The following SEC22A variants were observed in gnomAD, a reference collection of about 807,000 sequenced individuals.
SEC22A encodes the protein vesicle-trafficking protein SEC22a.
SEC22A carries 22 observed loss-of-function variants against 35.3 expected under a neutral mutation model. The observed-to-expected ratio is 0.62, with a 90% CI of 0.45 to 0.89. SEC22A has a LOEUF of 0.89. Ranked by LOEUF, SEC22A falls within the 40% of genes least tolerant of loss-of-function variation. The probability of loss-of-function intolerance (pLI) is 0.00; values close to 1 mark genes in which losing one functional copy is unlikely to be tolerated. For missense variants in SEC22A, 354 were observed against 362.5 expected (o/e 0.98, Z 0.19); for synonymous variants, 119 against 129.5 (o/e 0.92, Z 0.55).
intron 2 of SEC22A, among the ~76,000 whole-genome samples, chr3:123,219,646 C>T (rs746002447): frequency 5.9e-5 from 9 of 152,158 alleles, no homozygotes; most frequent in East Asian, 1.9e-4. Context: ...TCATACTAAG[C>T]GGTCAGTAAA....
chr3:123,229,804 G>A (rs112198238), intron 4 of SEC22A, among the ~76,000 whole-genome samples: 3,500 of 151,996 alleles, frequency 0.023, 116 homozygotes, highest in African/African-American at 0.078. Context: ...GGAGATTGCC[G>A]TGAGCCGAGA....
At chr3:123,203,171 T>G (rs1936785059) in intron 1 of SEC22A, among the ~76,000 whole-genome samples, 2 of 148,482 alleles carry the variant, frequency 1.3e-5, no homozygotes, top group Non-Finnish European at 3.0e-5. Flanking sequence ...GCCTGTGACC[T>G]TCCTTGAGTG....
chr3:123,255,058 C>G (rs1246142274), intron 5 of SEC22A, among the ~76,000 whole-genome samples: 1 of 152,144 alleles, frequency 6.6e-6, no homozygotes, highest in Non-Finnish European at 1.5e-5. Flanking sequence ...TTGCCAAATA[C>G]AGCAGAAACT....
intron 5 of SEC22A, among the ~76,000 whole-genome samples, chr3:123,249,839 A>G (rs1367596093): frequency 3.9e-5 from 6 of 151,962 alleles, no homozygotes; most frequent in Admixed American, 3.9e-4. Context: ...TGCTCTTATC[A>G]CTCAAGAAAT....
chr3:123,260,580 C>T (rs573279338), intron 6 of SEC22A, among the ~76,000 whole-genome samples: 2 of 152,278 alleles, frequency 1.3e-5, no homozygotes, highest in South Asian at 2.1e-4. Context: ...TTACCAGTTA[C>T]CCAAATGCAA....
chr3:123,237,014 C>T (rs1937435325), intron 4 of SEC22A, among the ~76,000 whole-genome samples: 2 of 152,168 alleles, frequency 1.3e-5, no homozygotes, highest in African/African-American at 2.4e-5. Flanking sequence ...CTGGTATTAG[C>T]AGCGAAAACT....
At chr3:123,245,860 T>C (rs1559760056) in intron 4 of SEC22A, 39 bp from the exon 5 acceptor site, 8 of 1,105,290 alleles carry the variant, frequency 7.2e-6, no homozygotes, top group Non-Finnish European at 9.7e-6. Context: ...CTTTGTGAGG[T>C]ATTGGTGTTC....
intron 1 of SEC22A, among the ~76,000 whole-genome samples, chr3:123,204,397 C>A (rs1210542929): frequency 6.6e-6 from 1 of 152,154 alleles, no homozygotes; most frequent in Non-Finnish European, 1.5e-5. Context: ...AATATGAGTG[C>A]TTTTGCCCCC....
Position 123,212,993 on chromosome 3 carries a change from C to A in SEC22A, c.182+3594C>A, listed in dbSNP as rs189836802. Reference sequence around the variant, plus strand: ...AAGAGGACAGCATTTGGATAACATTCTTCCAGCAACTATAATTATGAGAGT... The same window carrying A: ...AAGAGGACAGCATTTGGATAACATTATTCCAGCAACTATAATTATGAGAGT... On this transcript the variant is annotated intron_variant, in intron 2 of 6. Transcript: ENST00000492595. 8.5e-5 allele frequency among the ~76,000 whole-genome samples: 13 copies of A among 152,284 alleles called. No individual in the cohort carries two copies. In the East Asian group the frequency reaches 2.5e-3, roughly 29 times the overall value.
intron 6 of SEC22A, among the ~76,000 whole-genome samples, chr3:123,260,882 C>T (rs889307534): frequency 1.4e-5 from 2 of 146,330 alleles, no homozygotes; most frequent in African/African-American, 5.1e-5. Context: ...GTCGCCCAGG[C>T]TGGAGTGCAG....
Position 123,271,557 on chromosome 3 carries a change from T to C in SEC22A, c.759T>C (p.Asn253=), listed in dbSNP as rs753835957. 2 of 1,613,910 alleles carry C rather than the reference T, an allele frequency of 1.2e-6. No homozygotes were observed. Among genetic ancestry groups the C allele is most frequent in the African/African-American group, 2.7e-5 (2 of 74,950 alleles). The change falls in exon 7 of 7, where the codon AAT becomes AAC. Residue 253 remains asparagine, a synonymous_variant. Transcript: ENST00000492595. ...TTGTCTACTACACCGGCTGGCGGAATGTCAAATCTTTTTTGACTTTTGGCT... is the reference window on the plus strand; with the variant it reads ...TTGTCTACTACACCGGCTGGCGGAACGTCAAATCTTTTTTGACTTTTGGCT... ...YLLVYYTGWR[N]VKSFLTFGLI...
At position 123,203,053 on chromosome 3, in the gene SEC22A, C is replaced by CTTTTTTTTTT. The variant is rs779433710; in HGVS notation, c.-20+1092_-20+1101dup. ...GAAAACCATCACATCTGTTTAGTGC[C>CTTTTTTTTTT]TTTTTTTTTTTTTTTTTTTTTTTTT... On this transcript the variant is annotated intron_variant, in intron 1 of 6. Coordinates refer to ENST00000492595, the MANE Select transcript of SEC22A (RefSeq NM_012430.5). Among the ~76,000 whole-genome samples, 30 of 43,836 alleles carry CTTTTTTTTTT rather than the reference C, an allele frequency of 6.8e-4. 3 individuals are homozygous for CTTTTTTTTTT. Among genetic ancestry groups the CTTTTTTTTTT allele is most frequent in the Non-Finnish European group, 9.7e-4 (25 of 25,700 alleles). The allele number at this position is 43,836 out of a possible 152,430, so 28.8% of individuals were successfully genotyped here.
intron 6 of SEC22A, among the ~76,000 whole-genome samples, chr3:123,265,633 C>G (rs955978685): frequency 2.6e-5 from 4 of 151,984 alleles, no homozygotes; most frequent in African/African-American, 9.7e-5. Flanking sequence ...CTTTGCCTAG[C>G]CTAAGTTTCT....
At chr3:123,254,081 CTTAATA>C (rs1045543967) in intron 5 of SEC22A, among the ~76,000 whole-genome samples, 12 of 152,088 alleles carry the variant, frequency 7.9e-5, no homozygotes, top group Admixed American at 4.6e-4. Flanking sequence ...CCTTTTTTCA[CTTAATA>C]TTAAAAAGTA....
At chr3:123,271,468 A>T in intron 6 of SEC22A, 54 bp from the exon 7 acceptor site, 1 of 1,438,094 alleles carries the variant, frequency 7.0e-7, no homozygotes, top group Non-Finnish European at 9.7e-7. Context: ...TATTAGAAAC[A>T]TCTGTTTCTT....
intron 4 of SEC22A, among the ~76,000 whole-genome samples, chr3:123,228,921 A>G (rs763786460): frequency 1.3e-5 from 2 of 152,218 alleles, no homozygotes; most frequent in East Asian, 3.8e-4. Context: ...AGAGTTAGCA[A>G]TTTGAAGATA....
chr3:123,223,118 A>G (rs1937158241), intron 2 of SEC22A, among the ~76,000 whole-genome samples: 5 of 152,224 alleles, frequency 3.3e-5, no homozygotes, highest in Admixed American at 3.3e-4. Context: ...GAGGTCAGTG[A>G]TCACCTTGAA....
At position 123,273,216 on chromosome 3, in the gene SEC22A, T is replaced by C. The variant is rs892155344; in HGVS notation, c.*1494T>C. ...AATAGAGGGTAAAAAGTTAGTGAAC[T>C]GTCTTGTTTGCGTGAACCAGTATTT... On this transcript the variant is annotated 3_prime_UTR_variant, in exon 7 of 7. Coordinates refer to ENST00000492595, the MANE Select transcript of SEC22A (RefSeq NM_012430.5). 6.6e-6 allele frequency: 1 copy of C among 152,238 alleles called. No homozygotes were observed. Among genetic ancestry groups the C allele is most frequent in the Admixed American group, 6.5e-5 (1 of 15,288 alleles). 9.4% of individuals were successfully genotyped at this position (152,238 alleles called of 1,614,324 possible).
intron 2 of SEC22A, among the ~76,000 whole-genome samples, chr3:123,216,949 C>T (rs1018523857): frequency 6.6e-6 from 1 of 152,104 alleles, no homozygotes; most frequent in Non-Finnish European, 1.5e-5. Flanking sequence ...GCCTCAGCCT[C>T]CTGAGTAGCT....
Sources: gnomAD v4.1 joint callset for allele counts (sites outside exome capture counted in the v4.1 genomes callset) on GRCh38, gnomAD v4.1.1 for gene constraint, MANE v1.5 for transcripts, NCBI Gene and HGNC (gene_info 2026-07-23, HGNC 2026-07-21) for gene names.